The following GALNT10 variants were observed in gnomAD, a reference collection of about 807,000 sequenced individuals.
GALNT10 encodes the protein GalNAc transferase 10.
GALNT10 carries 41 observed loss-of-function variants against 75.0 expected under a neutral mutation model. The ratio of observed to expected loss-of-function variants is 0.55; its 90% CI spans 0.43 to 0.71. GALNT10 has a LOEUF of 0.71. Ranked by LOEUF, GALNT10 falls within the 30% of genes least tolerant of loss-of-function variation. GALNT10 has a pLI of 0.00. For synonymous variants in GALNT10, 302 were observed against 313.0 expected, an observed-to-expected ratio of 0.96 and a Z score of 0.37; for missense variants, 727 against 818.5, an observed-to-expected ratio of 0.89 and a Z score of 1.36.
rs528504273 is a variant in GALNT10 at position 154,330,099 on chromosome 5, G to A, written c.568+361G>A. On this transcript the variant is annotated intron_variant, in intron 4 of 11. Transcript: ENST00000297107. ...GGACTGGTACAACTGGCTGCTCAGC[G>A]CTGTCATCCAAGAACCAGGCTGTTT... 46 of 163,134 alleles carry A rather than the reference G, an allele frequency of 2.8e-4. No individual in the cohort carries two copies. In the South Asian group the frequency reaches 3.7e-3, roughly 13 times the overall value. The allele number at this position is 163,134 out of a possible 1,614,324, so 10.1% of individuals were successfully genotyped here.
intron 8 of GALNT10, 67 bp downstream of exon 8, chr5:154,404,278 C>G: frequency 1.2e-6 from 1 of 807,118 alleles, no homozygotes; most frequent in Non-Finnish European, 2.0e-6. Context: ...CACTGAGGCA[C>G]CCTGGGGCCC....
intron 1 of GALNT10, among the ~76,000 whole-genome samples, chr5:154,294,072 G>T (rs1391291501): frequency 6.6e-6 from 1 of 152,186 alleles, no homozygotes; most frequent in East Asian, 1.9e-4. Context: ...GGACATGGTG[G>T]CTCATGCCTG....
intron 3 of GALNT10, among the ~76,000 whole-genome samples, chr5:154,321,448 C>G (rs1261918096): frequency 6.6e-6 from 1 of 152,148 alleles, no homozygotes; most frequent in Non-Finnish European, 1.5e-5. Flanking sequence ...GCTACAACTA[C>G]AGGTGCCCAC....
intron 1 of GALNT10, among the ~76,000 whole-genome samples, chr5:154,240,244 A>G (rs1402972241): frequency 6.6e-6 from 1 of 152,208 alleles, no homozygotes; most frequent in African/African-American, 2.4e-5. Context: ...ATACTACTTG[A>G]CCTTGGGCAA....
intron 6 of GALNT10, among the ~76,000 whole-genome samples, chr5:154,385,600 GC>G (rs1261518797): frequency 2.0e-5 from 3 of 152,118 alleles, no homozygotes; most frequent in Non-Finnish European, 4.4e-5. Context: ...TCTTGAGGGG[GC>G]TGCCCCACTA....
chr5:154,313,703 G>A (rs918969766), intron 3 of GALNT10, among the ~76,000 whole-genome samples: 1 of 152,186 alleles, frequency 6.6e-6, no homozygotes, highest in Non-Finnish European at 1.5e-5. Flanking sequence ...CTGTGTTAAA[G>A]AGAAAGCTCA....
intron 7 of GALNT10, among the ~76,000 whole-genome samples, chr5:154,401,120 T>A (rs1756151954): frequency 6.6e-6 from 1 of 152,182 alleles, no homozygotes; most frequent in Non-Finnish European, 1.5e-5. Flanking sequence ...CCCTGGTCCC[T>A]CAGGAACCTT....
At chr5:154,282,964 A>G (rs1754059409) in intron 1 of GALNT10, among the ~76,000 whole-genome samples, 1 of 152,192 alleles carries the variant, frequency 6.6e-6, no homozygotes, top group Admixed American at 6.5e-5. Context: ...GTAAGGTCCC[A>G]TATCAGGGGC....
chr5:154,278,241 ATGT>A (rs10545550), intron 1 of GALNT10, among the ~76,000 whole-genome samples: 30,011 of 152,082 alleles, frequency 0.2, 3,298 homozygotes, highest in African/African-American at 0.28. Flanking sequence ...GGGAAGAATC[ATGT>A]TGTATTCTCC....
chr5:154,237,880 C>G (rs1444065023), intron 1 of GALNT10, among the ~76,000 whole-genome samples: 1 of 152,152 alleles, frequency 6.6e-6, no homozygotes, highest in Admixed American at 6.5e-5. Context: ...GTCGCGCCTG[C>G]TAGATTTCTC....
At chr5:154,382,611 G>A (rs1755749943) in intron 6 of GALNT10, among the ~76,000 whole-genome samples, 1 of 152,170 alleles carries the variant, frequency 6.6e-6, no homozygotes. Context: ...TTTGACTGAT[G>A]GAGGCCTTGA....
At chr5:154,319,879 C>T (rs1319494212) in intron 3 of GALNT10, among the ~76,000 whole-genome samples, 1 of 152,184 alleles carries the variant, frequency 6.6e-6, no homozygotes, top group African/African-American at 2.4e-5. Flanking sequence ...TGGCGGCTTT[C>T]TATTTTCTTC....
At chr5:154,231,253 C>T (rs757103165) in intron 1 of GALNT10, among the ~76,000 whole-genome samples, 2 of 152,188 alleles carry the variant, frequency 1.3e-5, no homozygotes, top group Admixed American at 1.3e-4. Context: ...AATGCATCCT[C>T]TTATTTTATA....
At chr5:154,290,609 G>C (rs1456478223) in intron 1 of GALNT10, among the ~76,000 whole-genome samples, 1 of 152,136 alleles carries the variant, frequency 6.6e-6, no homozygotes, top group African/African-American at 2.4e-5. Context: ...GAGCGCTCAG[G>C]CTATACTGTT....
intron 1 of GALNT10, among the ~76,000 whole-genome samples, chr5:154,199,094 A>G (rs1774987233): frequency 6.6e-6 from 1 of 152,180 alleles, no homozygotes; most frequent in African/African-American, 2.4e-5. Flanking sequence ...AGTGAATCAT[A>G]TGGTTGGTAC....
intron 6 of GALNT10, among the ~76,000 whole-genome samples, chr5:154,385,568 G>A (rs756217954): frequency 4.6e-5 from 7 of 152,096 alleles, no homozygotes; most frequent in Non-Finnish European, 7.4e-5. Context: ...TCTACCTCCC[G>A]GAGTCCCTTA....
At chr5:154,397,317 A>G (rs1177050848) in intron 7 of GALNT10, among the ~76,000 whole-genome samples, 1 of 152,202 alleles carries the variant, frequency 6.6e-6, no homozygotes, top group East Asian at 1.9e-4. Flanking sequence ...TACATTCAAA[A>G]TAATATGAGT....
At chr5:154,267,281 C>G (rs1753792764) in intron 1 of GALNT10, among the ~76,000 whole-genome samples, 1 of 152,208 alleles carries the variant, frequency 6.6e-6, no homozygotes, top group South Asian at 2.1e-4. Flanking sequence ...GATGCTCCTG[C>G]TCTAAGCACA....
intron 1 of GALNT10, among the ~76,000 whole-genome samples, chr5:154,191,424 T>TCCCC (rs1774856377): frequency 1.5e-5 from 1 of 65,846 alleles, no homozygotes; most frequent in African/African-American, 6.8e-5. Context: ...CCTCTCTGCT[T>TCCCC]CCCTCCTCCC....
Sources: gnomAD v4.1 joint callset for allele counts (sites outside exome capture counted in the v4.1 genomes callset) on GRCh38, gnomAD v4.1.1 for gene constraint, MANE v1.5 for transcripts, NCBI Gene and HGNC (gene_info 2026-07-23, HGNC 2026-07-21) for gene names.